PTPRH: variants seen among roughly 807,000 people sequenced by gnomAD.
PTPRH encodes protein tyrosine phosphatase receptor type H, also known as receptor-type tyrosine-protein phosphatase H.
Under a neutral mutation model 130.2 loss-of-function variants are expected in PTPRH, and 113 were observed. The ratio of observed to expected loss-of-function variants is 0.87; its 90% CI spans 0.75 to 1.01. PTPRH has a LOEUF of 1.01. PTPRH is among the 50% of genes least tolerant of loss of function. The pLI is 0.00. For missense variants in PTPRH, 1,430 were observed against 1,425.0 expected, an observed-to-expected ratio of 1.00 and a Z score of -0.06; for synonymous variants, 556 against 577.9, an observed-to-expected ratio of 0.96 and a Z score of 0.54.
chr19:55,197,267 G>T lies in PTPRH; in HGVS notation c.1840C>A (p.Pro614Thr), dbSNP rs759441480. Residue 614 changes from proline to threonine, a missense_variant, in exon 9 of 20, where the codon CCC (proline) becomes ACC (threonine). Pro to Thr is a conservative substitution (Grantham distance 38, BLOSUM62 -1). Coordinates refer to ENST00000376350, the MANE Select transcript of PTPRH (RefSeq NM_002842.5). The part of the protein sequence containing the change: ...SKGHPRRGQD[P>T]QANWVNQTSR... ...GTCTGGTTGACCCAATTCGCTTGGGGATCTTGCCCCCTCCGGGGATGTCCC... is the reference window on the plus strand; with the variant it reads ...GTCTGGTTGACCCAATTCGCTTGGGTATCTTGCCCCCTCCGGGGATGTCCC... 6.2e-7 allele frequency: 1 copy of T among 1,614,250 alleles called. No homozygotes were observed. Among genetic ancestry groups the T allele is most frequent in the Non-Finnish European group, 8.5e-7 (1 of 1,180,050 alleles).
chr19:55,191,406 T>C (rs2086530756), intron 12 of PTPRH, 95 bp downstream of exon 12: 1 of 1,420,166 alleles, frequency 7.0e-7, no homozygotes, highest in African/African-American at 1.4e-5. Flanking sequence ...TGTGGGTAAA[T>C]GCATTGATCC....
Position 55,186,449 on chromosome 19 carries a change from C to T in PTPRH, c.2643+15G>A. 1 of 1,613,662 alleles carries T rather than the reference C, an allele frequency of 6.2e-7. No homozygotes were observed. On this transcript the variant is annotated intron_variant, in intron 15 of 19. Transcript: ENST00000376350. ...GGCGTGCTGGGCACCCTTTCAATCCCAACCACGACCTTACGGGCATGAAGC... is the reference window on the plus strand; with the variant it reads ...GGCGTGCTGGGCACCCTTTCAATCCTAACCACGACCTTACGGGCATGAAGC...
chr19:55,207,088 G>C, intron 2 of PTPRH, 78 bp downstream of exon 2: 1 of 1,592,308 alleles, frequency 6.3e-7, no homozygotes, highest in Non-Finnish European at 8.6e-7. Flanking sequence ...TGGACCCCAC[G>C]GGGACCCCCC....
chr19:55,206,955 G>A lies in PTPRH; in HGVS notation c.86C>T (p.Ala29Val). Residue 29 changes from alanine to valine, a missense_variant and splice_region_variant, in exon 3 of 20, where the codon GCC becomes GTC. Transcript: ENST00000376350. ...TGTCAGGTTCCTCCCTGGGTTGGGG[G>A]CTGAGAATTGGGAAGGAAGGTCTGA... ...LCSWTGARAP[A>V]PNPGRNLTVE... The A allele has an allele frequency of 1.9e-6, 3 of 1,588,328 alleles. No individual in the cohort carries two copies. Among genetic ancestry groups the A allele is most frequent in the Non-Finnish European group, 2.6e-6 (3 of 1,164,758 alleles).
chr19:55,185,655 T>C lies in PTPRH; in HGVS notation c.2909A>G (p.Glu970Gly). Residue 970 changes from glutamate to glycine, a missense_variant, in exon 18 of 20, where the codon GAG (glutamate) becomes GGG (glycine). Glu to Gly is a moderately conservative substitution (Grantham distance 98). Transcript: ENST00000376350. Reference protein sequence around the residue: ...VRELLLLQVEEQKTLSVRQFH... With the variant: ...VRELLLLQVEGQKTLSVRQFH... The stretch of plus-strand genomic sequence containing the variant: ...TTGGCGCACAGACAGTGTCTTCTGC[T>C]CCTCCACCTGGAAGGAGGGAGCACT... 4 of 1,613,780 alleles carry C rather than the reference T, an allele frequency of 2.5e-6. No individual in the cohort carries two copies. Among genetic ancestry groups the C allele is most frequent in the East Asian group, 2.2e-5 (1 of 44,866 alleles).
At chr19:55,207,528 A>G (rs1397099632) in intron 1 of PTPRH, among the ~76,000 whole-genome samples, 1 of 152,082 alleles carries the variant, frequency 6.6e-6, no homozygotes, top group Non-Finnish European at 1.5e-5. Context: ...GAAGGGAGAA[A>G]AAAACCAAGG....
chr19:55,191,762 G>A (rs2086544396), intron 10 of PTPRH, 21 bp from the exon 11 acceptor site: 3 of 1,599,574 alleles, frequency 1.9e-6, no homozygotes, highest in East Asian at 2.2e-5. Flanking sequence ...GAGGCATCGG[G>A]AACCCTCAGA....
At chr19:55,200,596 T>C (rs2086829607) in intron 6 of PTPRH, 94 bp from the exon 7 acceptor site, 1 of 1,351,456 alleles carries the variant, frequency 7.4e-7, no homozygotes, top group Non-Finnish European at 1.0e-6. Flanking sequence ...ATCTTAGCTC[T>C]TGTTCAACTG....
chr19:55,204,075 T>C (rs2086964886), intron 4 of PTPRH, 27 bp from the exon 5 acceptor site: 1 of 1,596,746 alleles, frequency 6.3e-7, no homozygotes, highest in Non-Finnish European at 8.5e-7. Context: ...AAAGATCTAA[T>C]ATGAGCAGGA....
intron 6 of PTPRH, among the ~76,000 whole-genome samples, 184 bp downstream of exon 6, chr19:55,201,872 G>C (rs2086873967): frequency 6.6e-6 from 1 of 152,332 alleles, no homozygotes; most frequent in South Asian, 2.1e-4. Context: ...CAACTTAGCA[G>C]CTGGAGGTAC....
chr19:55,197,780 T>C lies in PTPRH; in HGVS notation c.1691-364A>G, dbSNP rs572982251. On this transcript the variant is annotated intron_variant, in intron 8 of 19. Coordinates refer to ENST00000376350, the MANE Select transcript of PTPRH (RefSeq NM_002842.5). ...GGGATTTGTAGTCCTCCACCTCTCATGGCCCTCGAGATCTGATCTCTGTAT... is the reference window on the plus strand; with the variant it reads ...GGGATTTGTAGTCCTCCACCTCTCACGGCCCTCGAGATCTGATCTCTGTAT... Among the ~76,000 whole-genome samples the C allele has an allele frequency of 1.5e-3, 227 of 152,286 alleles. 1 individual carries two copies. Among genetic ancestry groups the C allele is most frequent in the African/African-American group, 5.2e-3 (216 of 41,566 alleles).
intron 12 of PTPRH, among the ~76,000 whole-genome samples, chr19:55,188,692 T>C (rs1483907353): frequency 6.6e-6 from 1 of 152,160 alleles, no homozygotes; most frequent in Non-Finnish European, 1.5e-5. Context: ...GTGGCCTCCC[T>C]GTCTGTAATT....
chr19:55,196,046 G>GT (rs2086670247), intron 10 of PTPRH, among the ~76,000 whole-genome samples: 1 of 152,110 alleles, frequency 6.6e-6, no homozygotes, highest in Non-Finnish European at 1.5e-5. Flanking sequence ...AGTGATGATG[G>GT]TTGCACAATG....
At chr19:55,185,472 C>T in intron 18 of PTPRH, 30 bp downstream of exon 18, 1 of 1,610,744 alleles carries the variant, frequency 6.2e-7, no homozygotes, top group Non-Finnish European at 8.5e-7. Context: ...GCGGTTCTCT[C>T]AAGGGAGAGG....
At chr19:55,192,295 G>A (rs965826749) in intron 10 of PTPRH, among the ~76,000 whole-genome samples, 10 of 151,718 alleles carry the variant, frequency 6.6e-5, no homozygotes, top group Non-Finnish European at 1.2e-4. Context: ...CCAGCTACTC[G>A]GGAGGCTGAG....
At chr19:55,184,016 G>A (rs1453391578) in intron 18 of PTPRH, among the ~76,000 whole-genome samples, 1 of 152,082 alleles carries the variant, frequency 6.6e-6, no homozygotes, top group Non-Finnish European at 1.5e-5. Flanking sequence ...CGGGCACAGT[G>A]GTTCACGCCT....
chr19:55,195,786 G>T (rs956329454), intron 10 of PTPRH, among the ~76,000 whole-genome samples: 2 of 152,086 alleles, frequency 1.3e-5, no homozygotes, highest in Non-Finnish European at 2.9e-5. Flanking sequence ...GCCCAGACTG[G>T]TCTCGAACTC....
At chr19:55,188,663 A>G (rs1234942659) in intron 12 of PTPRH, among the ~76,000 whole-genome samples, 4 of 152,124 alleles carry the variant, frequency 2.6e-5, no homozygotes, top group African/African-American at 9.7e-5. Flanking sequence ...TCCAGGGAAC[A>G]CCTTTCTCCA....
In PTPRH at chr19:55,205,673, A is replaced by G. The variant is rs193046773; in HGVS notation, c.353-81T>C. Reference sequence around the variant, plus strand: ...CAGCCCTTCCTTAACCGTTGCATCCAGCAGGTAGAGGCAGGGAGGCCCAGC... The same window carrying G: ...CAGCCCTTCCTTAACCGTTGCATCCGGCAGGTAGAGGCAGGGAGGCCCAGC... On this transcript the variant is annotated intron_variant, in intron 3 of 19. Transcript: ENST00000376350. 453 of 1,574,260 alleles carry G rather than the reference A, an allele frequency of 2.9e-4. 1 individual carries two copies. Among genetic ancestry groups the G allele is most frequent in the Middle Eastern group, 1.7e-3 (10 of 5,838 alleles).
Sources: gnomAD v4.1 joint callset for allele counts (sites outside exome capture counted in the v4.1 genomes callset) on GRCh38, gnomAD v4.1.1 for gene constraint, MANE v1.5 for transcripts, NCBI Gene and HGNC (gene_info 2026-07-23, HGNC 2026-07-21) for gene names.